SPRED2: variants seen among roughly 807,000 people sequenced by gnomAD.
SPRED2 encodes sprouty-related, EVH1 domain-containing protein 2.
A neutral mutation model predicts 43.0 loss-of-function variants in SPRED2; 47 were observed. The observed-to-expected ratio is 1.09, with a 90% confidence interval of 0.87 to 1.40. SPRED2 has a LOEUF of 1.40. Among genes scored for constraint, SPRED2 ranks in the 40% most tolerant of loss-of-function variants. SPRED2 has a pLI of 0.00. For synonymous variants in SPRED2, 225 were observed against 225.7 expected, an observed-to-expected ratio of 1.00 and a Z score of 0.03; for missense variants, 561 against 586.4, an observed-to-expected ratio of 0.96 and a Z score of 0.45.
chr2:65,352,687 G>A (rs369802685), intron 1 of SPRED2, among the ~76,000 whole-genome samples: 6 of 152,192 alleles, frequency 3.9e-5, no homozygotes, highest in Non-Finnish European at 8.8e-5. Context: ...GCAGTGGCGC[G>A]ATCTCAGCTC....
downstream of SPRED2, among the ~76,000 whole-genome samples, chr2:65,310,458 T>TACACACACACACAC (rs55916427): frequency 2.9e-5 from 4 of 137,988 alleles, no homozygotes; most frequent in African/African-American, 1.1e-4. Context: ...TCCTCCAAAC[T>TACACACACACACAC]ACACACACAC....
intron 1 of SPRED2, among the ~76,000 whole-genome samples, chr2:65,388,114 C>T (rs1042033593): frequency 3.9e-5 from 6 of 152,198 alleles, no homozygotes; most frequent in African/African-American, 1.2e-4. Flanking sequence ...AAAACCACCA[C>T]GATGCAGCCA....
chr2:65,408,542 C>T (rs1021970511), intron 1 of SPRED2, among the ~76,000 whole-genome samples: 1 of 152,096 alleles, frequency 6.6e-6, no homozygotes, highest in South Asian at 2.1e-4. Flanking sequence ...TGTATAATCC[C>T]AGTCGCCAGC....
intron 1 of SPRED2, among the ~76,000 whole-genome samples, chr2:65,412,256 G>A (rs1160511935): frequency 1.3e-5 from 2 of 152,130 alleles, no homozygotes; most frequent in African/African-American, 4.8e-5. Flanking sequence ...TTTCAAAAAC[G>A]CAGATTCCCT....
chr2:65,410,586 C>T (rs112606507), intron 1 of SPRED2, among the ~76,000 whole-genome samples: 7,750 of 151,972 alleles, frequency 0.051, 289 homozygotes, highest in Middle Eastern at 0.13. Context: ...GGTGAGACCC[C>T]GTCTTTACTA....
In SPRED2 at chr2:65,378,082, G is replaced by A. The variant is rs115107642; in HGVS notation, c.27-33186C>T. The A allele has an allele frequency of 7.9e-4, 148 of 186,644 alleles. 1 individual carries two copies. Among genetic ancestry groups the A allele is most frequent in the African/African-American group, 3.4e-3 (146 of 43,022 alleles). 11.6% of individuals were successfully genotyped at this position (186,644 alleles called of 1,614,324 possible). A position where few individuals can be genotyped will look rare whatever the true frequency, so the allele number is the denominator to read the frequency against. ...AGCCCATCCAGTAAACATCAGCTGA[G>A]CCAAATTCCATTGACACCTCTTTTC... On this transcript the variant is annotated intron_variant, in intron 1 of 5. Transcript: ENST00000356388.
At chr2:65,316,593 C>T in intron 5 of SPRED2, 141 bp downstream of exon 5, 1 of 1,065,140 alleles carries the variant, frequency 9.4e-7, no homozygotes, top group South Asian at 1.6e-5. Flanking sequence ...ACCAATGCCA[C>T]TTTCAATATG....
At chr2:65,392,327 C>T (rs1022570964) in intron 1 of SPRED2, among the ~76,000 whole-genome samples, 2 of 151,818 alleles carry the variant, frequency 1.3e-5, no homozygotes, top group Admixed American at 1.3e-4. Context: ...AACAGGTGTG[C>T]ATTACCATGC....
At chr2:65,408,476 T>C (rs1676076531) in intron 1 of SPRED2, among the ~76,000 whole-genome samples, 1 of 152,170 alleles carries the variant, frequency 6.6e-6, no homozygotes, top group African/African-American at 2.4e-5. Context: ...GAATTGATCA[T>C]AGAGCTCCAG....
chr2:65,330,241 A>C (rs751756988), intron 4 of SPRED2, among the ~76,000 whole-genome samples: 4 of 152,252 alleles, frequency 2.6e-5, no homozygotes, highest in African/African-American at 9.6e-5. Flanking sequence ...TGGTTTTTCA[A>C]ATCACCAGTT....
At chr2:65,337,063 G>A (rs569107549) in intron 2 of SPRED2, among the ~76,000 whole-genome samples, 1 of 152,030 alleles carries the variant, frequency 6.6e-6, no homozygotes, top group Non-Finnish European at 1.5e-5. Flanking sequence ...GGCCGAGATC[G>A]TGCCACTGCA....
downstream of SPRED2, chr2:65,308,195 G>T (rs1672981011): frequency 1.6e-6 from 1 of 634,570 alleles, no homozygotes; most frequent in Non-Finnish European, 2.0e-6. Context: ...CCAAAGGCCA[G>T]AGAAGCGGGG....
At chr2:65,356,562 T>G (rs1674658671) in intron 1 of SPRED2, among the ~76,000 whole-genome samples, 1 of 138,972 alleles carries the variant, frequency 7.2e-6, no homozygotes, top group Non-Finnish European at 1.5e-5. Flanking sequence ...TTTTTTTGTG[T>G]GTGTGTACCT....
At chr2:65,411,159 C>G (rs1269373898) in intron 1 of SPRED2, among the ~76,000 whole-genome samples, 1 of 152,224 alleles carries the variant, frequency 6.6e-6, no homozygotes, top group Non-Finnish European at 1.5e-5. Context: ...GTACCAGGTG[C>G]TGTGCTGAGC....
At chr2:65,336,551 T>C (rs1010053942) in intron 2 of SPRED2, among the ~76,000 whole-genome samples, 2 of 152,238 alleles carry the variant, frequency 1.3e-5, no homozygotes, top group African/African-American at 4.8e-5. Context: ...TTGCTTATTA[T>C]AGCCATTTCC....
At chr2:65,385,814 T>C (rs1371702666) in intron 1 of SPRED2, among the ~76,000 whole-genome samples, 1 of 152,040 alleles carries the variant, frequency 6.6e-6, no homozygotes, top group Non-Finnish European at 1.5e-5. Flanking sequence ...CAGATGATGA[T>C]CCCCACTCCC....
At chr2:65,371,174 T>A (rs937043454) in intron 1 of SPRED2, among the ~76,000 whole-genome samples, 1 of 149,462 alleles carries the variant, frequency 6.7e-6, no homozygotes, top group African/African-American at 2.4e-5. Context: ...TATCCCCGCA[T>A]CCAATCATAC....
intron 1 of SPRED2, among the ~76,000 whole-genome samples, chr2:65,416,226 T>A (rs979929638): frequency 6.6e-6 from 1 of 152,182 alleles, no homozygotes; most frequent in Non-Finnish European, 1.5e-5. Flanking sequence ...ATGGGAGAGA[T>A]GAAGAGTGTT....
intron 4 of SPRED2, among the ~76,000 whole-genome samples, chr2:65,318,882 A>G (rs1346061384): frequency 6.6e-6 from 1 of 152,090 alleles, no homozygotes; most frequent in Non-Finnish European, 1.5e-5. Context: ...TCCTGGGCTC[A>G]AGTGATCCTC....
Sources: gnomAD v4.1 joint callset for allele counts (sites outside exome capture counted in the v4.1 genomes callset) on GRCh38, gnomAD v4.1.1 for gene constraint, MANE v1.5 for transcripts, NCBI Gene and HGNC (gene_info 2026-07-23, HGNC 2026-07-21) for gene names.